The following LRRC4C variants were observed in gnomAD, a reference collection of about 807,000 sequenced individuals.
LRRC4C encodes leucine rich repeat containing 4C.
A neutral mutation model predicts 33.6 loss-of-function variants in LRRC4C; 5 were observed. The observed-to-expected ratio is 0.15, with a 90% CI of 0.08 to 0.31. The LOEUF (loss-of-function observed/expected upper bound fraction) is 0.31. Ranked by LOEUF, LRRC4C falls within the 10% of genes least tolerant of loss-of-function variation. The pLI, the probability that LRRC4C is intolerant of heterozygous loss-of-function variation, is 1.00. For missense variants in LRRC4C, 560 were observed against 796.7 expected, an observed-to-expected ratio of 0.70 and a Z score of 3.58; for synonymous variants, 329 against 302.0, an observed-to-expected ratio of 1.09 and a Z score of -0.93.
intron 2 of LRRC4C, among the ~76,000 whole-genome samples, chr11:40,741,549 C>A (rs1190964238): frequency 1.3e-5 from 2 of 152,068 alleles, no homozygotes; most frequent in African/African-American, 4.8e-5. Flanking sequence ...ACAGTAGACA[C>A]ATGCCTCCCT....
At chr11:41,119,934 T>C (rs1942338252) in intron 1 of LRRC4C, among the ~76,000 whole-genome samples, 1 of 152,190 alleles carries the variant, frequency 6.6e-6, no homozygotes, top group Non-Finnish European at 1.5e-5. Context: ...ACAGAAACTT[T>C]TACCTTCAAA....
intron 1 of LRRC4C, among the ~76,000 whole-genome samples, chr11:41,183,757 G>A (rs1179611930): frequency 6.6e-6 from 1 of 152,142 alleles, no homozygotes; most frequent in African/African-American, 2.4e-5. Flanking sequence ...CTCTGTGTGG[G>A]GGCTCTGACC....
At chr11:40,914,887 C>T (rs1364017015) in intron 2 of LRRC4C, among the ~76,000 whole-genome samples, 1 of 152,178 alleles carries the variant, frequency 6.6e-6, no homozygotes, top group Non-Finnish European at 1.5e-5. Context: ...AAATCACAAG[C>T]ATTCTTATAC....
At chr11:40,534,614 G>A (rs1442626491) in intron 3 of LRRC4C, among the ~76,000 whole-genome samples, 1 of 152,112 alleles carries the variant, frequency 6.6e-6, no homozygotes, top group Non-Finnish European at 1.5e-5. Flanking sequence ...CTCAATAAAT[G>A]TTAGCAACTC....
chr11:40,335,532 A>T (rs1383106035), intron 3 of LRRC4C, among the ~76,000 whole-genome samples: 9 of 152,224 alleles, frequency 5.9e-5, no homozygotes, highest in African/African-American at 2.2e-4. Flanking sequence ...GAGCATGAAA[A>T]ATGTATTATG....
intron 3 of LRRC4C, among the ~76,000 whole-genome samples, chr11:40,418,357 A>C (rs1484638898): frequency 6.6e-6 from 1 of 152,238 alleles, no homozygotes; most frequent in Non-Finnish European, 1.5e-5. Flanking sequence ...ACATATGAAA[A>C]AAAGCTCATC....
At chr11:40,201,684 C>A (rs1223541363) in intron 5 of LRRC4C, among the ~76,000 whole-genome samples, 1 of 152,150 alleles carries the variant, frequency 6.6e-6, no homozygotes, top group African/African-American at 2.4e-5. Context: ...CCATTTTGAA[C>A]AATACCTGCT....
At chr11:41,438,963 A>G (rs1487779299) in intron 1 of LRRC4C, among the ~76,000 whole-genome samples, 1 of 152,102 alleles carries the variant, frequency 6.6e-6, no homozygotes, top group Non-Finnish European at 1.5e-5. Context: ...ATTTTGTTAC[A>G]TGGATATATT....
At chr11:40,187,145 G>A (rs1861467221) in intron 5 of LRRC4C, among the ~76,000 whole-genome samples, 2 of 152,174 alleles carry the variant, frequency 1.3e-5, no homozygotes, top group South Asian at 4.1e-4. Context: ...CAGCAGTGGG[G>A]GTGGTGGGGG....
At chr11:41,348,382 T>A (rs2035482184) in intron 1 of LRRC4C, among the ~76,000 whole-genome samples, 1 of 55,126 alleles carries the variant, frequency 1.8e-5, no homozygotes, top group Non-Finnish European at 3.4e-5. Context: ...AGCTCTGCAT[T>A]TAAAAAATAA....
At chr11:41,077,019 A>G (rs182289202) in intron 1 of LRRC4C, among the ~76,000 whole-genome samples, 21 of 152,300 alleles carry the variant, frequency 1.4e-4, no homozygotes, top group East Asian at 1.4e-3. Context: ...ATTCCACAAT[A>G]ATCTCCTTTG....
chr11:41,295,439 G>A (rs1162167677), intron 1 of LRRC4C, among the ~76,000 whole-genome samples: 10 of 152,146 alleles, frequency 6.6e-5, no homozygotes, highest in Admixed American at 6.5e-4. Flanking sequence ...AAGGAAAGAG[G>A]CTTAGCTGGG....
At chr11:40,382,432 G>A (rs1948918974) in intron 3 of LRRC4C, among the ~76,000 whole-genome samples, 1 of 151,466 alleles carries the variant, frequency 6.6e-6, no homozygotes, top group South Asian at 2.1e-4. Flanking sequence ...AAATACGTTT[G>A]GAGATAAGTG....
At chr11:41,414,406 G>A (rs1954602932) in intron 1 of LRRC4C, among the ~76,000 whole-genome samples, 1 of 152,114 alleles carries the variant, frequency 6.6e-6, no homozygotes, top group Admixed American at 6.6e-5. Flanking sequence ...AAAAAGTCTG[G>A]TGTCACAAGA....
intron 1 of LRRC4C, among the ~76,000 whole-genome samples, chr11:41,350,859 C>T (rs1458645321): frequency 6.6e-6 from 1 of 152,164 alleles, no homozygotes; most frequent in Non-Finnish European, 1.5e-5. Flanking sequence ...GTATTAACAG[C>T]AGAATAGACC....
chr11:40,850,307 G>A (rs1321154827), intron 2 of LRRC4C, among the ~76,000 whole-genome samples: 1 of 152,088 alleles, frequency 6.6e-6, no homozygotes, highest in African/African-American at 2.4e-5. Context: ...GTGATCTTTG[G>A]ATGGAGTTTT....
chr11:41,257,876 G>T (rs989341885), intron 1 of LRRC4C, among the ~76,000 whole-genome samples: 1 of 151,980 alleles, frequency 6.6e-6, no homozygotes, highest in African/African-American at 2.4e-5. Context: ...AAATTAGTTA[G>T]TAATGCCTGC....
At chr11:41,092,473 A>C (rs1185863154) in intron 1 of LRRC4C, among the ~76,000 whole-genome samples, 1 of 152,206 alleles carries the variant, frequency 6.6e-6, no homozygotes, top group Non-Finnish European at 1.5e-5. Flanking sequence ...ACAGTGAATG[A>C]TCAACATCTT....
intron 1 of LRRC4C, among the ~76,000 whole-genome samples, chr11:41,366,784 A>G (rs1342114280): frequency 1.3e-5 from 2 of 152,102 alleles, no homozygotes; most frequent in Non-Finnish European, 2.9e-5. Flanking sequence ...CCATGTGAAA[A>G]CTGGAGGAAG....
Sources: allele counts gnomAD v4.1 joint callset (sites outside exome capture counted in the v4.1 genomes callset), GRCh38; gene constraint gnomAD v4.1.1; transcripts MANE v1.5; gene names NCBI Gene and HGNC (gene_info 2026-07-23, HGNC 2026-07-21).